Variants in EHBP1 observed in about 807,000 individuals in gnomAD.
The protein encoded by EHBP1 is EH domain-binding protein 1.
A neutral mutation model predicts 144.0 loss-of-function variants in EHBP1; 55 were observed. The ratio of observed to expected loss-of-function variants is 0.38; its 90% confidence interval spans 0.31 to 0.48. The LOEUF (loss-of-function observed/expected upper bound fraction) is 0.48, where lower values mean the gene tolerates loss of function less well. Ranked by LOEUF, EHBP1 falls within the 20% of genes least tolerant of loss-of-function variation. EHBP1 has a pLI of 0.98. For synonymous variants in EHBP1, 469 were observed against 472.7 expected (o/e 0.99, Z 0.10); for missense variants, 1,200 against 1,364.2 (o/e 0.88, Z 1.90).
At chr2:62,686,904 T>C (rs2033737855) in intron 1 of EHBP1, among the ~76,000 whole-genome samples, 1 of 152,178 alleles carries the variant, frequency 6.6e-6, no homozygotes, top group African/African-American at 2.4e-5. Flanking sequence ...TACCAACAAG[T>C]GTTCTAGGTA....
intron 1 of EHBP1, among the ~76,000 whole-genome samples, chr2:62,695,698 C>A (rs2034062448): frequency 6.6e-6 from 1 of 152,094 alleles, no homozygotes; most frequent in Non-Finnish European, 1.5e-5. Flanking sequence ...TACAATTATA[C>A]ACGTTTAATC....
chr2:63,015,287 A>C (rs965424314), intron 19 of EHBP1, among the ~76,000 whole-genome samples: 2 of 152,222 alleles, frequency 1.3e-5, no homozygotes, highest in Non-Finnish European at 2.9e-5. Flanking sequence ...ATCCTGTGTT[A>C]ATGGGAGTAA....
In EHBP1 at chr2:63,000,819, G is replaced by GGT. The variant is rs759875721; in HGVS notation, c.3103+4068_3103+4069dup. 1.0e-3 allele frequency among the ~76,000 whole-genome samples: 158 copies of GGT among 150,878 alleles called. 1 individual carries two copies. The highest frequency in any genetic ancestry group is 3.1e-3 in the African/African-American group (129 of 41,302). On this transcript the variant is annotated intron_variant, in intron 19 of 22. Transcript: ENST00000431489. ...AATTTTTTTCTCCTCAGCTCTTAAT[G>GGT]GTGTGTGTGTGTGTGTACGTCTGTG...
At chr2:62,737,486 T>C (rs955753762) in intron 2 of EHBP1, among the ~76,000 whole-genome samples, 6 of 152,214 alleles carry the variant, frequency 3.9e-5, no homozygotes, top group African/African-American at 1.4e-4. Context: ...GTTTCAGCTC[T>C]GGTAAGTTGT....
chr2:62,889,856 G>A (rs943576192), intron 10 of EHBP1, among the ~76,000 whole-genome samples: 7 of 151,490 alleles, frequency 4.6e-5, no homozygotes, highest in African/African-American at 1.5e-4. Context: ...CTGTAGCCCT[G>A]TAGTATAGTT....
chr2:62,987,919 A>G lies in EHBP1; in HGVS notation c.2609-2797A>G, dbSNP rs200280177. On this transcript the variant is annotated intron_variant, in intron 15 of 22. Coordinates refer to ENST00000431489, the MANE Select transcript of EHBP1 (RefSeq NM_001142616.3). ...AATAATATACTAACATTATTGCTAC[A>G]TGTTCCTACAGATGAAAATGATAAT... The G allele has an allele frequency of 3.6e-4, 495 of 1,377,608 alleles. 7 individuals are homozygous for G. The African/African-American group carries it at 6.3e-3, about 18-fold the overall frequency. 85.3% of individuals were successfully genotyped at this position (1,377,608 alleles called of 1,614,324 possible).
Position 62,707,052 on chromosome 2 carries a change from A to G in EHBP1, c.-140A>G, listed in dbSNP as rs2034661660. On this transcript the variant is annotated 5_prime_UTR_variant, in exon 2 of 23. The change abolishes an upstream ATG in the 5' untranslated region. Transcript: ENST00000431489. ...ACCCTGTGAAACAGGGAGAAGACTT[A>G]TGGACCCCAAGCATCATTTCGAGTT... 1 of 634,954 alleles carries G rather than the reference A, an allele frequency of 1.6e-6. No homozygotes were observed. The highest frequency in any genetic ancestry group is 1.8e-5 in the African/African-American group (1 of 54,942). The allele number at this position is 634,954 out of a possible 1,614,324, so 39.3% of individuals were successfully genotyped here.
intron 3 of EHBP1, among the ~76,000 whole-genome samples, chr2:62,757,753 G>T (rs956942593): frequency 8.6e-5 from 13 of 151,512 alleles, no homozygotes; most frequent in Admixed American, 7.9e-4. Context: ...ATTTCTTTTT[G>T]GCATCTGTGT....
At chr2:62,797,161 T>C (rs2152474935) in intron 5 of EHBP1, among the ~76,000 whole-genome samples, 1 of 152,286 alleles carries the variant, frequency 6.6e-6, no homozygotes, top group Middle Eastern at 3.4e-3. Context: ...TTTGTTTGTT[T>C]TTTAAATGTT....
intron 19 of EHBP1, among the ~76,000 whole-genome samples, chr2:63,026,152 G>A (rs187190842): frequency 1.2e-3 from 187 of 152,232 alleles, no homozygotes; most frequent in Middle Eastern, 6.8e-3. Flanking sequence ...TACTTCTGTG[G>A]ATAGTCCTTT....
At chr2:63,004,408 G>T (rs187187739) in intron 19 of EHBP1, among the ~76,000 whole-genome samples, 12 of 152,122 alleles carry the variant, frequency 7.9e-5, no homozygotes, top group Admixed American at 7.9e-4. Context: ...CATATGGGAA[G>T]GTCCTCTTCT....
intron 19 of EHBP1, among the ~76,000 whole-genome samples, chr2:63,006,241 G>A (rs1007830201): frequency 2.0e-5 from 3 of 151,828 alleles, no homozygotes; most frequent in African/African-American, 7.3e-5. Flanking sequence ...TTTGTGGTAA[G>A]TTGATTTTTT....
chr2:63,004,822 C>T (rs2059974813), intron 19 of EHBP1, among the ~76,000 whole-genome samples: 1 of 152,010 alleles, frequency 6.6e-6, no homozygotes, highest in African/African-American at 2.4e-5. Flanking sequence ...AAATATTGTT[C>T]TCAAACTTCA....
chr2:62,944,147 C>T (rs2056930727), intron 12 of EHBP1, among the ~76,000 whole-genome samples: 1 of 151,980 alleles, frequency 6.6e-6, no homozygotes. Context: ...AAAATGCACC[C>T]AAAACTGTTG....
Position 62,826,107 on chromosome 2 carries a change from G to A in EHBP1, c.333G>A (p.Arg111=). The A allele has an allele frequency of 1.3e-6, 2 of 1,493,054 alleles. No homozygotes were observed. The highest frequency in any genetic ancestry group is 1.8e-6 in the Non-Finnish European group (2 of 1,120,402). 92.5% of individuals were successfully genotyped at this position (1,493,054 alleles called of 1,614,324 possible). The stretch of plus-strand genomic sequence containing the variant: ...TCCAGGAATCCCCTTCTGGTCGAAG[G>A]AAAGCTCTTGCTACTAGCAGCATCA... The part of the protein sequence containing the change: ...VIENESPSGR[R]KALATSSINM... The change falls in exon 6 of 23, where the codon AGG becomes AGA. Residue 111 remains arginine (R), a synonymous_variant. Coordinates refer to ENST00000431489, the MANE Select transcript of EHBP1 (RefSeq NM_001142616.3).
At chr2:62,827,228 C>T (rs1034798405) in intron 6 of EHBP1, among the ~76,000 whole-genome samples, 16 of 152,300 alleles carry the variant, frequency 1.1e-4, no homozygotes, top group Non-Finnish European at 1.9e-4. Context: ...CAGTAAGCCT[C>T]CTCTCTGGCA....
At chr2:62,761,471 A>T (rs1478216000) in intron 3 of EHBP1, among the ~76,000 whole-genome samples, 2 of 152,080 alleles carry the variant, frequency 1.3e-5, no homozygotes, top group African/African-American at 4.8e-5. Flanking sequence ...AACTAGTAAG[A>T]TGTGATAAGA....
intron 19 of EHBP1, among the ~76,000 whole-genome samples, chr2:63,029,964 C>T (rs1406149157): frequency 6.6e-6 from 1 of 152,144 alleles, no homozygotes; most frequent in African/African-American, 2.4e-5. Flanking sequence ...CTCCTGATCT[C>T]AGGTGATCTG....
At chr2:62,678,239 G>T (rs2033380034) in intron 1 of EHBP1, among the ~76,000 whole-genome samples, 1 of 152,158 alleles carries the variant, frequency 6.6e-6, no homozygotes, top group Admixed American at 6.5e-5. Flanking sequence ...GATCAATGAT[G>T]TTGAAAATTT....
Sources: gnomAD v4.1 joint callset for allele counts (sites outside exome capture counted in the v4.1 genomes callset) on GRCh38, gnomAD v4.1.1 for gene constraint, MANE v1.5 for transcripts, NCBI Gene and HGNC (gene_info 2026-07-23, HGNC 2026-07-21) for gene names.